MTHFD1L: variants seen among roughly 807,000 people sequenced by gnomAD.
MTHFD1L encodes the protein methylenetetrahydrofolate dehydrogenase (NADP+ dependent) 1 like.
Under a neutral mutation model 119.5 loss-of-function variants are expected in MTHFD1L, and 81 were observed. The ratio of observed to expected loss-of-function variants is 0.68; its 90% CI spans 0.57 to 0.82. MTHFD1L has a LOEUF of 0.82. Among genes scored for constraint, MTHFD1L ranks in the 40% least tolerant of loss-of-function variants. MTHFD1L has a pLI of 0.00. For synonymous variants in MTHFD1L, 430 were observed against 475.2 expected, an observed-to-expected ratio of 0.90 and a Z score of 1.24; for missense variants, 1,125 against 1,253.4, an observed-to-expected ratio of 0.90 and a Z score of 1.55.
chr6:150,992,325 G>T (rs1779165823), intron 20 of MTHFD1L, among the ~76,000 whole-genome samples: 1 of 152,112 alleles, frequency 6.6e-6, no homozygotes, highest in African/African-American at 2.4e-5. Context: ...TTACATTTTT[G>T]AAAAACACAT....
chr6:151,028,729 C>T (rs1247200199), intron 24 of MTHFD1L, among the ~76,000 whole-genome samples: 1 of 152,036 alleles, frequency 6.6e-6, no homozygotes, highest in East Asian at 1.9e-4. Context: ...GTTGGTTGCC[C>T]GACACCATAA....
chr6:150,947,081 GA>G (rs796899011), intron 15 of MTHFD1L, among the ~76,000 whole-genome samples: 18,224 of 122,380 alleles, frequency 0.15, 1,588 homozygotes, highest in Middle Eastern at 0.3. Flanking sequence ...TCTCAAAAAA[GA>G]AAAAAAAAAA....
At chr6:151,061,906 A>T (rs918584613) in intron 26 of MTHFD1L, among the ~76,000 whole-genome samples, 1 of 152,240 alleles carries the variant, frequency 6.6e-6, no homozygotes, top group African/African-American at 2.4e-5. Context: ...ACTGCCTCAC[A>T]AAATGACAAA....
intron 9 of MTHFD1L, among the ~76,000 whole-genome samples, chr6:150,921,795 GC>G (rs1398486568): frequency 6.6e-6 from 1 of 152,072 alleles, no homozygotes; most frequent in Non-Finnish European, 1.5e-5. Flanking sequence ...AGAAGTTCTG[GC>G]CTGTGACTTG....
chr6:151,086,893 G>C (rs184449949), intron 26 of MTHFD1L, among the ~76,000 whole-genome samples: 51 of 152,196 alleles, frequency 3.4e-4, no homozygotes, highest in Admixed American at 3.2e-3. Flanking sequence ...AAATACTCCT[G>C]CTTAATAAAT....
chr6:151,092,371 G>A, intron 26 of MTHFD1L, 96 bp from the exon 27 acceptor site: 1 of 857,898 alleles, frequency 1.2e-6, no homozygotes. Context: ...AAAGTTCTAT[G>A]AGGCTGTATT....
chr6:151,082,269 A>G (rs1793270949), intron 26 of MTHFD1L, among the ~76,000 whole-genome samples: 1 of 152,206 alleles, frequency 6.6e-6, no homozygotes, highest in African/African-American at 2.4e-5. Context: ...CTTGGGCTGC[A>G]CAAGAGTTGG....
chr6:151,033,057 A>G (rs1785573877), intron 24 of MTHFD1L, among the ~76,000 whole-genome samples: 1 of 152,096 alleles, frequency 6.6e-6, no homozygotes, highest in South Asian at 2.1e-4. Flanking sequence ...CTGTTCCATC[A>G]GCATTTGGTT....
At position 151,072,394 on chromosome 6, in the gene MTHFD1L, C is replaced by A. The variant is rs571194278; in HGVS notation, c.2848-20073C>A. ...CATAATGTTACACTTTAATTAGATG[C>A]AGTTGAATAATAACCTAAAAAATCT... On this transcript the variant is annotated intron_variant, in intron 26 of 27. Transcript: ENST00000367321. 2.6e-5 allele frequency among the ~76,000 whole-genome samples: 4 copies of A among 152,194 alleles called. No individual in the cohort carries two copies. The South Asian group carries it at 8.3e-4, about 32-fold the overall frequency.
intron 20 of MTHFD1L, among the ~76,000 whole-genome samples, chr6:150,996,807 C>A (rs922328412): frequency 1.4e-5 from 2 of 145,060 alleles, no homozygotes; most frequent in Non-Finnish European, 3.1e-5. Context: ...TGAAAGTAGG[C>A]GTGTAGAAGC....
At position 151,023,521 on chromosome 6, in the gene MTHFD1L, G is replaced by C. The variant is rs915428435; in HGVS notation, c.2586+7828G>C. Among the ~76,000 whole-genome samples, 6 of 152,178 alleles carry C rather than the reference G, an allele frequency of 3.9e-5. No homozygotes were observed. The East Asian group carries it at 1.2e-3, about 29-fold the overall frequency. ...TCATTCAGCTGTGTTAGACAGTTTC[G>C]AGGGATCTGCACCTGTCATGAGCAC... On this transcript the variant is annotated intron_variant, in intron 24 of 27. Coordinates refer to ENST00000367321, the MANE Select transcript of MTHFD1L (RefSeq NM_015440.5).
intron 8 of MTHFD1L, among the ~76,000 whole-genome samples, chr6:150,907,607 A>G (rs754324586): frequency 6.6e-6 from 1 of 152,172 alleles, no homozygotes; most frequent in Non-Finnish European, 1.5e-5. Context: ...ATTTGCTGTC[A>G]CTGCTGCCCA....
chr6:150,872,559 T>C (rs993810615), intron 1 of MTHFD1L, among the ~76,000 whole-genome samples: 3 of 152,038 alleles, frequency 2.0e-5, no homozygotes, highest in African/African-American at 7.2e-5. Flanking sequence ...CCAACACAAT[T>C]ACAACAGTAA....
chr6:151,075,468 A>G (rs1183570384), intron 26 of MTHFD1L, among the ~76,000 whole-genome samples: 2 of 152,156 alleles, frequency 1.3e-5, no homozygotes, highest in African/African-American at 4.8e-5. Flanking sequence ...GTTTAAGCAT[A>G]TAATAACAGA....
At chr6:150,911,336 A>G (rs1040352474) in intron 8 of MTHFD1L, among the ~76,000 whole-genome samples, 26 of 152,182 alleles carry the variant, frequency 1.7e-4, no homozygotes, top group African/African-American at 6.3e-4. Context: ...AACTAGTGAT[A>G]TGCTGTCATT....
intron 16 of MTHFD1L, among the ~76,000 whole-genome samples, chr6:150,949,938 A>G (rs1794603862): frequency 6.6e-6 from 1 of 152,190 alleles, no homozygotes; most frequent in East Asian, 1.9e-4. Context: ...ACCCTGTGCA[A>G]CTGCAGAAAT....
intron 6 of MTHFD1L, among the ~76,000 whole-genome samples, chr6:150,886,027 A>T (rs898337018): frequency 1.3e-5 from 2 of 152,232 alleles, no homozygotes; most frequent in Non-Finnish European, 2.9e-5. Flanking sequence ...GCCCTGTTTT[A>T]AACATGCTCA....
At chr6:150,920,700 T>G (rs1020893834) in intron 9 of MTHFD1L, among the ~76,000 whole-genome samples, 10 of 152,162 alleles carry the variant, frequency 6.6e-5, no homozygotes, top group Middle Eastern at 3.2e-3. Flanking sequence ...CTTTTCTAAA[T>G]TGGATGACGA....
At chr6:150,986,992 G>A (rs1205073349) in intron 20 of MTHFD1L, among the ~76,000 whole-genome samples, 3 of 152,132 alleles carry the variant, frequency 2.0e-5, no homozygotes, top group African/African-American at 4.8e-5. Flanking sequence ...GTGAGCCACC[G>A]CGCCTGGCTG....
Sources: gnomAD v4.1 joint callset for allele counts (sites outside exome capture counted in the v4.1 genomes callset) on GRCh38, gnomAD v4.1.1 for gene constraint, MANE v1.5 for transcripts, NCBI Gene and HGNC (gene_info 2026-07-23, HGNC 2026-07-21) for gene names.